ATP9A: variants seen among roughly 807,000 people sequenced by gnomAD.
The protein encoded by ATP9A is probable phospholipid-transporting ATPase IIA.
ATP9A carries 52 observed loss-of-function variants against 144.1 expected under a neutral mutation model. The ratio of observed to expected loss-of-function variants is 0.36; its 90% confidence interval spans 0.29 to 0.45. ATP9A has a LOEUF of 0.45. Among genes scored for constraint, ATP9A ranks in the 20% least tolerant of loss-of-function variants. The probability of loss-of-function intolerance (pLI) is 1.00; values close to 1 mark genes in which losing one functional copy is unlikely to be tolerated. For synonymous variants in ATP9A, 582 were observed against 557.4 expected (o/e 1.04, Z -0.62); for missense variants, 947 against 1,392.7 (o/e 0.68, Z 5.09).
intron 2 of ATP9A, among the ~76,000 whole-genome samples, chr20:51,728,439 C>T (rs892489898): frequency 6.6e-6 from 1 of 152,006 alleles, no homozygotes; most frequent in Non-Finnish European, 1.5e-5. Context: ...CCAGCCTGGC[C>T]AACATGGTGA....
In ATP9A at chr20:51,712,920, C is replaced by T. The variant is rs191769423; in HGVS notation, c.436+46G>A. 1.6e-3 allele frequency: 2,470 copies of T among 1,517,298 alleles called. 9 individuals carry two copies. Among genetic ancestry groups the T allele is most frequent in the Non-Finnish European group, 2.0e-3 (2,263 of 1,109,126 alleles). The allele number at this position is 1,517,298 out of a possible 1,614,324, so 94.0% of individuals were successfully genotyped here. On this transcript the variant is annotated intron_variant, in intron 4 of 27. Coordinates refer to ENST00000338821, the MANE Select transcript of ATP9A (RefSeq NM_006045.3). ...CTCTTCTCCCCTGACTGTCAGCGGC[C>T]CGTGATTGAGCTGCAACCCTGTGGC...
intron 13 of ATP9A, among the ~76,000 whole-genome samples, chr20:51,669,619 T>C (rs1232329374): frequency 6.6e-6 from 1 of 152,182 alleles, no homozygotes; most frequent in Non-Finnish European, 1.5e-5. Flanking sequence ...TGGTTCTATT[T>C]ATTGGGCATA....
intron 4 of ATP9A, among the ~76,000 whole-genome samples, chr20:51,698,580 C>T (rs923219905): frequency 1.3e-5 from 2 of 151,960 alleles, no homozygotes; most frequent in Admixed American, 6.6e-5. Context: ...GCTGGGGATA[C>T]GTGAAACTCA....
chr20:51,740,839 T>G (rs1294849692), intron 1 of ATP9A, among the ~76,000 whole-genome samples: 3 of 151,930 alleles, frequency 2.0e-5, no homozygotes, highest in Non-Finnish European at 2.9e-5. Flanking sequence ...CCTCTCAAAG[T>G]GCTGGGATTA....
rs537921163 is a variant in ATP9A, at chr20:51,750,195, C to T, written c.68+18107G>A. Among the ~76,000 whole-genome samples, 3 of 152,182 alleles carry T rather than the reference C, an allele frequency of 2.0e-5. No homozygotes were observed. In the East Asian group the frequency reaches 5.8e-4, roughly 29 times the overall value. Reference sequence around the variant, plus strand: ...ATAATAATAAAATAATAAAGCTCACCCCGCTGCCCAAACAGCACACAGCTC... The same window carrying T: ...ATAATAATAAAATAATAAAGCTCACTCCGCTGCCCAAACAGCACACAGCTC... On this transcript the variant is annotated intron_variant, in intron 1 of 27. Coordinates refer to ENST00000338821, the MANE Select transcript of ATP9A (RefSeq NM_006045.3).
At chr20:51,673,729 G>A (rs566609110) in intron 11 of ATP9A, among the ~76,000 whole-genome samples, 3 of 152,200 alleles carry the variant, frequency 2.0e-5, no homozygotes, top group South Asian at 2.1e-4. Flanking sequence ...GATTGCTCTT[G>A]GTCCTCACTC....
chr20:51,638,121 A>ATATCTATCTATCTATC (rs1555831227), intron 15 of ATP9A, among the ~76,000 whole-genome samples: 2 of 103,002 alleles, frequency 1.9e-5, no homozygotes, highest in Admixed American at 1.0e-4. Context: ...ATATATATAT[A>ATATCTATCTATCTATC]TATCTCATAG....
chr20:51,645,980 C>T lies in ATP9A; in HGVS notation c.1507-6476G>A, dbSNP rs539340779. ...GTCAGGCCAGCAGCAGAAAACACAA[C>T]CTCGTTAAGGTGGATGAATGAACAG... is the stretch of plus-strand genomic sequence containing the variant. On this transcript the variant is annotated intron_variant, in intron 14 of 27. Coordinates refer to ENST00000338821, the MANE Select transcript of ATP9A (RefSeq NM_006045.3). 3.4e-4 allele frequency among the ~76,000 whole-genome samples: 52 copies of T among 152,334 alleles called. 1 individual carries two copies. Among genetic ancestry groups the T allele is most frequent in the African/African-American group, 1.2e-3 (51 of 41,578 alleles).
intron 17 of ATP9A, among the ~76,000 whole-genome samples, chr20:51,626,175 CCAA>C (rs2077247763): frequency 6.6e-6 from 1 of 152,154 alleles, no homozygotes; most frequent in Non-Finnish European, 1.5e-5. Context: ...TGGTTCAACC[CCAA>C]CATTTTTACA....
intron 1 of ATP9A, among the ~76,000 whole-genome samples, chr20:51,754,820 A>T (rs2077848909): frequency 6.6e-6 from 1 of 151,798 alleles, no homozygotes; most frequent in Non-Finnish European, 1.5e-5. Context: ...TGTCTCAATA[A>T]ATACATAAAT....
chr20:51,682,740 C>T (rs1172745657), intron 9 of ATP9A, among the ~76,000 whole-genome samples: 7 of 149,632 alleles, frequency 4.7e-5, no homozygotes, highest in Admixed American at 2.0e-4. Flanking sequence ...TACAGGCACG[C>T]ACCACCACAC....
Position 51,622,125 on chromosome 20 carries a change from C to T in ATP9A, c.2064G>A (p.Ala688=), listed in dbSNP as rs199717930. 78 of 1,614,132 alleles carry T rather than the reference C, an allele frequency of 4.8e-5. 1 individual carries two copies. The South Asian group carries it at 6.3e-4, about 13-fold the overall frequency. Residue 688 remains alanine, a synonymous_variant, in exon 19 of 28, where the codon GCG becomes GCA. Coordinates refer to ENST00000338821, the MANE Select transcript of ATP9A (RefSeq NM_006045.3). ...GDKLETATCT[A]KNAHLVTRNQ... is the part of the protein sequence containing the mutation. The stretch of plus-strand genomic sequence containing the variant: ...TTCTGGTCACCAGATGTGCATTCTT[C>T]GCTGTGCACGTAGCTGTCTCCAGCT...
In ATP9A at chr20:51,736,694, C is replaced by T. The variant is rs116562952; in HGVS notation, c.69-6716G>A. On this transcript the variant is annotated intron_variant, in intron 1 of 27. Transcript: ENST00000338821. ...ATAGCTACACAACTCTACAAATACA[C>T]TAAAACTTGCTGAATTGTACACTTT... Among the ~76,000 whole-genome samples, 1,363 of 152,128 alleles carry T rather than the reference C, an allele frequency of 9.0e-3. 18 individuals carry two copies. The highest frequency in any genetic ancestry group is 0.031 in the African/African-American group (1,292 of 41,492).
intron 1 of ATP9A, among the ~76,000 whole-genome samples, chr20:51,746,095 G>A (rs558466066): frequency 3.3e-5 from 5 of 152,238 alleles, no homozygotes; most frequent in Non-Finnish European, 4.4e-5. Flanking sequence ...CAAATACCAC[G>A]TGTTCTCACT....
At chr20:51,691,351 T>C (rs1464295789) in intron 7 of ATP9A, among the ~76,000 whole-genome samples, 2 of 152,034 alleles carry the variant, frequency 1.3e-5, no homozygotes, top group Non-Finnish European at 2.9e-5. Flanking sequence ...TGCCTGTAAT[T>C]GCGGCTACTC....
At chr20:51,669,888 G>T (rs920463357) in intron 13 of ATP9A, 109 bp downstream of exon 13, 3 of 763,696 alleles carry the variant, frequency 3.9e-6, no homozygotes, top group African/African-American at 3.5e-5. Flanking sequence ...ACAATGAATT[G>T]TACTCTTGAA....
chr20:51,697,509 T>C, intron 4 of ATP9A, 27 bp from the exon 5 acceptor site: 1 of 1,608,414 alleles, frequency 6.2e-7, no homozygotes, highest in Non-Finnish European at 8.5e-7. Flanking sequence ...TCAAGATACA[T>C]CACCATCTTA....
At chr20:51,618,081 G>A (rs1171448407) in intron 21 of ATP9A, among the ~76,000 whole-genome samples, 3 of 152,032 alleles carry the variant, frequency 2.0e-5, no homozygotes, top group East Asian at 1.9e-4. Flanking sequence ...TTAGCCACAC[G>A]TGGTGGTGCA....
At chr20:51,680,742 C>A in intron 9 of ATP9A, among the ~76,000 whole-genome samples, 1 of 152,046 alleles carries the variant, frequency 6.6e-6, no homozygotes, top group East Asian at 1.9e-4. Context: ...CTGTTCCTGG[C>A]GTTGAGAACT....
Sources: gnomAD v4.1 joint callset for allele counts (sites outside exome capture counted in the v4.1 genomes callset) on GRCh38, gnomAD v4.1.1 for gene constraint, MANE v1.5 for transcripts, NCBI Gene and HGNC (gene_info 2026-07-23, HGNC 2026-07-21) for gene names.